SPOCK1: variants seen among roughly 807,000 people sequenced by gnomAD.
SPOCK1 encodes SPARC (osteonectin), cwcv and kazal like domains proteoglycan 1.
In SPOCK1, 23 loss-of-function variants were observed where a neutral mutation model predicts 55.3. The ratio of observed to expected loss-of-function variants is 0.42; its 90% CI spans 0.30 to 0.59. The LOEUF is 0.59. Ranked by LOEUF, SPOCK1 falls within the 20% of genes least tolerant of loss-of-function variation. The pLI, the probability that SPOCK1 is intolerant of heterozygous loss-of-function variation, is 0.22. For synonymous variants in SPOCK1, 226 were observed against 221.0 expected (o/e 1.02, Z -0.20); for missense variants, 499 against 552.5 (o/e 0.90, Z 0.97).
intron 7 of SPOCK1, 37 bp from the exon 8 acceptor site, chr5:136,988,680 C>T (rs777226392): frequency 6.3e-7 from 1 of 1,578,244 alleles, no homozygotes; most frequent in Admixed American, 1.7e-5. Context: ...TGCCACCAAG[C>T]CTGATGCTTT....
intron 5 of SPOCK1, among the ~76,000 whole-genome samples, chr5:137,104,794 T>C (rs752160999): frequency 5.9e-5 from 9 of 152,214 alleles, no homozygotes; most frequent in South Asian, 2.1e-4. Flanking sequence ...CCGCTGATGC[T>C]ACACTATGGT....
chr5:137,101,835 G>C (rs1753270911), intron 5 of SPOCK1, among the ~76,000 whole-genome samples: 1 of 152,182 alleles, frequency 6.6e-6, no homozygotes, highest in Non-Finnish European at 1.5e-5. Flanking sequence ...TCAGAAGAAA[G>C]TATTAAAGCA....
intron 2 of SPOCK1, among the ~76,000 whole-genome samples, chr5:137,281,639 T>C (rs1308755068): frequency 6.6e-6 from 1 of 152,210 alleles, no homozygotes; most frequent in African/African-American, 2.4e-5. Flanking sequence ...CACAAGGCGG[T>C]GACAGCTCCT....
chr5:136,976,149 C>T lies in SPOCK1; in HGVS notation c.*2505G>A, dbSNP rs1750610780. The T allele has an allele frequency of 6.6e-6, 1 of 152,052 alleles. No homozygotes were observed. Among genetic ancestry groups the T allele is most frequent in the Non-Finnish European group, 1.5e-5 (1 of 68,010 alleles). 9.4% of individuals were successfully genotyped at this position (152,052 alleles called of 1,614,324 possible). A position where few individuals can be genotyped will look rare whatever the true frequency, so the allele number is the denominator to read the frequency against. ...AGGTAACTCATTACAATCTTTAGTA[C>T]TCATGGAAAGTATTAAAGATCTTTA... is the stretch of plus-strand genomic sequence containing the variant. On this transcript the variant is annotated 3_prime_UTR_variant, in exon 11 of 11. Transcript: ENST00000394945.
rs562422432 is a variant in SPOCK1 at position 137,362,406 on chromosome 5, G to A, written c.187-95351C>T. Among the ~76,000 whole-genome samples, 35 of 148,150 alleles carry A rather than the reference G, an allele frequency of 2.4e-4. No homozygotes were observed. The South Asian group carries it at 3.0e-3, about 13-fold the overall frequency. Reference sequence around the variant, plus strand: ...GTGCAGTGGCATGATCTCCACTCACGGCAAGCTCCTCCTCCCAGGTTCACA... The same window carrying A: ...GTGCAGTGGCATGATCTCCACTCACAGCAAGCTCCTCCTCCCAGGTTCACA... On this transcript the variant is annotated intron_variant, in intron 2 of 10. Transcript: ENST00000394945.
chr5:137,213,226 A>C (rs1580810469), intron 3 of SPOCK1, among the ~76,000 whole-genome samples: 1 of 152,220 alleles, frequency 6.6e-6, no homozygotes, highest in Non-Finnish European at 1.5e-5. Context: ...TTCAGAGTGC[A>C]CATGTTCATT....
At chr5:137,475,381 TGGA>T (rs543050483) in intron 2 of SPOCK1, among the ~76,000 whole-genome samples, 81 of 152,110 alleles carry the variant, frequency 5.3e-4, no homozygotes, top group African/African-American at 1.9e-3. Flanking sequence ...GATCCTGGAA[TGGA>T]AGAAAAAAAC....
In SPOCK1 at chr5:137,273,506, C is replaced by T. The variant is rs576077086; in HGVS notation, c.187-6451G>A. 8.2e-5 allele frequency: 33 copies of T among 400,502 alleles called. No homozygotes were observed. The South Asian group carries it at 2.3e-3, about 28-fold the overall frequency. 24.8% of individuals were successfully genotyped at this position (400,502 alleles called of 1,614,324 possible). On this transcript the variant is annotated intron_variant, in intron 2 of 10. Coordinates refer to ENST00000394945, the MANE Select transcript of SPOCK1 (RefSeq NM_004598.4). ...CAAATTATCATAACATTAGAAAGGT[C>T]ATCCAGATATGCTCTCTTAATTCAC...
At chr5:137,191,893 G>T (rs1246091990) in intron 3 of SPOCK1, among the ~76,000 whole-genome samples, 1 of 152,142 alleles carries the variant, frequency 6.6e-6, no homozygotes. Flanking sequence ...TTGCGGAAAA[G>T]ATACAGGAAA....
intron 2 of SPOCK1, among the ~76,000 whole-genome samples, chr5:137,339,596 G>A (rs940714605): frequency 6.6e-6 from 1 of 152,030 alleles, no homozygotes; most frequent in Admixed American, 6.5e-5. Flanking sequence ...TATCTCTTGA[G>A]TTCTTGGTAG....
intron 3 of SPOCK1, among the ~76,000 whole-genome samples, chr5:137,180,912 G>C (rs946799195): frequency 6.6e-6 from 1 of 152,148 alleles, no homozygotes; most frequent in Non-Finnish European, 1.5e-5. Flanking sequence ...TGGATGGCTT[G>C]GCCAGCTTTG....
chr5:137,377,411 C>G (rs1193491652), intron 2 of SPOCK1, among the ~76,000 whole-genome samples: 1 of 152,200 alleles, frequency 6.6e-6, no homozygotes, highest in East Asian at 1.9e-4. Flanking sequence ...CCTCTTCCTC[C>G]TGAGTCTTAT....
chr5:137,262,792 A>ACTATT lies in SPOCK1; in HGVS notation c.232+4217_232+4218insAATAG, dbSNP rs1756773203. ...ACAACTTGGAAGGCCACCAGAAAGG[A>ACTATT]ACAAAAGGAGAAGGGAATAAAACCA... On this transcript the variant is annotated intron_variant, in intron 3 of 10. Coordinates refer to ENST00000394945, the MANE Select transcript of SPOCK1 (RefSeq NM_004598.4). 3.3e-5 allele frequency among the ~76,000 whole-genome samples: 5 copies of ACTATT among 152,334 alleles called. No homozygotes were observed. The South Asian group carries it at 1.0e-3, about 32-fold the overall frequency.
At chr5:137,143,642 C>A (rs943426183) in intron 3 of SPOCK1, among the ~76,000 whole-genome samples, 3 of 152,306 alleles carry the variant, frequency 2.0e-5, no homozygotes, top group Admixed American at 2.0e-4. Context: ...ATGCTAAGCA[C>A]CTCATATGTG....
At chr5:137,023,711 C>A (rs1435304010) in intron 6 of SPOCK1, among the ~76,000 whole-genome samples, 1 of 150,120 alleles carries the variant, frequency 6.7e-6, no homozygotes, top group African/African-American at 2.4e-5. Flanking sequence ...CTAATTATCA[C>A]GAGAGGAAAT....
At chr5:137,075,683 G>A (rs1859348) in intron 5 of SPOCK1, among the ~76,000 whole-genome samples, 54,036 of 152,020 alleles carry the variant, frequency 0.36, 10,089 homozygotes, top group East Asian at 0.48. Flanking sequence ...TAAACTGTGT[G>A]ACGAAACCAG....
intron 2 of SPOCK1, among the ~76,000 whole-genome samples, chr5:137,304,090 T>C (rs1757657523): frequency 6.6e-6 from 1 of 151,992 alleles, no homozygotes. Flanking sequence ...TTTGGTTCTG[T>C]TATAAAAGCA....
intron 2 of SPOCK1, among the ~76,000 whole-genome samples, chr5:137,492,055 A>C (rs535438550): frequency 6.6e-6 from 1 of 152,204 alleles, no homozygotes; most frequent in Non-Finnish European, 1.5e-5. Context: ...CACAGTGGAC[A>C]TCTGTTGACA....
At chr5:137,071,055 C>A (rs1017031530) in intron 5 of SPOCK1, among the ~76,000 whole-genome samples, 1 of 147,480 alleles carries the variant, frequency 6.8e-6, no homozygotes. Context: ...CAGGGTCTCA[C>A]TCTGTCACCC....
Sources: allele counts gnomAD v4.1 joint callset (sites outside exome capture counted in the v4.1 genomes callset), GRCh38; gene constraint gnomAD v4.1.1; transcripts MANE v1.5; gene names NCBI Gene and HGNC (gene_info 2026-07-23, HGNC 2026-07-21).